ZFHX3: variants seen among roughly 807,000 people sequenced by gnomAD.
ZFHX3 encodes zinc finger homeobox protein 3.
Under a neutral mutation model 279.1 loss-of-function variants are expected in ZFHX3, and 42 were observed. The ratio of observed to expected loss-of-function variants is 0.15; its 90% CI spans 0.12 to 0.19. ZFHX3 has a LOEUF of 0.19. Among genes scored for constraint, ZFHX3 ranks in the 10% least tolerant of loss-of-function variants. The pLI, the probability that ZFHX3 is intolerant of heterozygous loss-of-function variation, is 1.00. For synonymous variants in ZFHX3, 2,293 were observed against 1,957.8 expected, an observed-to-expected ratio of 1.17 and a Z score of -4.52; for missense variants, 4,981 against 4,754.0, an observed-to-expected ratio of 1.05 and a Z score of -1.40.
At chr16:73,626,408 T>A (rs1004016284) in intron 2 of ZFHX3, among the ~76,000 whole-genome samples, 3 of 152,150 alleles carry the variant, frequency 2.0e-5, no homozygotes, top group Non-Finnish European at 4.4e-5. Flanking sequence ...AATGCAAATT[T>A]TCATAGGAAA....
At chr16:72,934,698 GCT>G (rs1480783044) in intron 3 of ZFHX3, among the ~76,000 whole-genome samples, 1 of 151,918 alleles carries the variant, frequency 6.6e-6, no homozygotes, top group African/African-American at 2.4e-5. Flanking sequence ...GCATTTGACG[GCT>G]CTTACTGAAT....
At chr16:73,742,791 G>A (rs907515919) in intron 1 of ZFHX3, among the ~76,000 whole-genome samples, 1 of 152,214 alleles carries the variant, frequency 6.6e-6, no homozygotes, top group African/African-American at 2.4e-5. Context: ...TCATCACCCA[G>A]TGTGAGACTG....
At chr16:73,555,210 A>T (rs2020258721) in intron 2 of ZFHX3, among the ~76,000 whole-genome samples, 1 of 152,074 alleles carries the variant, frequency 6.6e-6, no homozygotes, top group South Asian at 2.1e-4. Flanking sequence ...GCTGCAGTGC[A>T]GTGGCGCGAT....
chr16:73,401,243 A>G (rs1272987241), intron 3 of ZFHX3: 1 of 152,054 alleles, frequency 6.6e-6, no homozygotes, highest in East Asian at 1.9e-4. Context: ...CCTTCCTCAG[A>G]TGGCCCTCAC....
At chr16:73,284,874 T>G (rs1187713560) in intron 4 of ZFHX3, among the ~76,000 whole-genome samples, 1 of 152,178 alleles carries the variant, frequency 6.6e-6, no homozygotes, top group Non-Finnish European at 1.5e-5. Context: ...ACACGGTCTC[T>G]CCCTGTTGCT....
intron 3 of ZFHX3, among the ~76,000 whole-genome samples, chr16:73,386,171 T>C (rs1193009065): frequency 6.6e-6 from 1 of 151,172 alleles, no homozygotes; most frequent in Non-Finnish European, 1.5e-5. Flanking sequence ...TCGCTCTCTT[T>C]CTCTCTCTGT....
chr16:73,195,549 G>C (rs906500255), intron 5 of ZFHX3, among the ~76,000 whole-genome samples: 13 of 151,772 alleles, frequency 8.6e-5, no homozygotes, highest in African/African-American at 3.1e-4. Flanking sequence ...CTCCCGAGCA[G>C]CTGGGACTAC....
At chr16:73,738,963 G>A (rs2053631056) in intron 1 of ZFHX3, among the ~76,000 whole-genome samples, 1 of 151,594 alleles carries the variant, frequency 6.6e-6, no homozygotes, top group Non-Finnish European at 1.5e-5. Context: ...TCCTCTGTGA[G>A]TCCAACTCCC....
chr16:73,757,474 C>T (rs2053821986), intron 1 of ZFHX3, among the ~76,000 whole-genome samples: 1 of 152,190 alleles, frequency 6.6e-6, no homozygotes. Flanking sequence ...CTATGAAAAT[C>T]AGAAAAGTAT....
Position 72,793,767 on chromosome 16 carries a change from G to C in ZFHX3, c.8915C>G (p.Thr2972Ser). The part of the protein sequence containing the change: ...KSCFNDYRTP[T>S]MLECEVLGND... ...GCCCAGGACCTCACATTCTAGCATA[G>C]TGGGTGTCCTGTAGTCATTAAAGCA... is the stretch of plus-strand genomic sequence containing the variant. Residue 2972 changes from threonine to serine, a missense_variant, in exon 9 of 10, where the codon ACT becomes AGT. By Grantham distance (58) the Thr-to-Ser change is moderately conservative. Transcript: ENST00000268489. The surrounding 1 kb of genome is among the most constrained non-coding windows in gnomAD (Gnocchi z 4.3). 1 of 1,614,178 alleles carries C rather than the reference G, an allele frequency of 6.2e-7. No homozygotes were observed. Among genetic ancestry groups the C allele is most frequent in the South Asian group, 1.1e-5 (1 of 91,076 alleles).
chr16:73,167,795 G>C (rs1189560949), intron 5 of ZFHX3, among the ~76,000 whole-genome samples: 1 of 152,020 alleles, frequency 6.6e-6, no homozygotes, highest in Non-Finnish European at 1.5e-5. Context: ...CCCCACCAGG[G>C]GCAACAATTT....
At chr16:73,417,033 T>C (rs1178132423) in intron 3 of ZFHX3, among the ~76,000 whole-genome samples, 1 of 152,000 alleles carries the variant, frequency 6.6e-6, no homozygotes, top group Admixed American at 6.6e-5. Flanking sequence ...CTATCAGTTA[T>C]AAGCCAAACT....
At chr16:73,779,065 C>T (rs996693008) in intron 1 of ZFHX3, among the ~76,000 whole-genome samples, 2 of 152,150 alleles carry the variant, frequency 1.3e-5, no homozygotes, top group African/African-American at 4.8e-5. Context: ...GTGGGTGGTC[C>T]AGATGGAAGC....
chr16:73,425,031 CTCT>C (rs1410332241), intron 3 of ZFHX3, among the ~76,000 whole-genome samples: 1 of 152,178 alleles, frequency 6.6e-6, no homozygotes, highest in Non-Finnish European at 1.5e-5. Flanking sequence ...TCCCCACCCT[CTCT>C]TCTTCTGTGT....
At chr16:72,890,039 T>C (rs1022126597) in intron 3 of ZFHX3, 77 bp from the exon 4 acceptor site, 3 of 1,336,360 alleles carry the variant, frequency 2.2e-6, no homozygotes, top group Non-Finnish European at 3.1e-6. Context: ...CACACCATCC[T>C]GGTCACAGCC....
intron 2 of ZFHX3, chr16:73,609,006 G>C (rs555400239): frequency 6.6e-6 from 1 of 152,240 alleles, no homozygotes; most frequent in Admixed American, 6.5e-5. Context: ...TGCAGCAGTA[G>C]TGACTGACTT....
chr16:73,084,525 T>C (rs1245916302), intron 8 of ZFHX3, among the ~76,000 whole-genome samples: 1 of 145,000 alleles, frequency 6.9e-6, no homozygotes, highest in African/African-American at 2.6e-5. Flanking sequence ...TTTTTTTTTT[T>C]TTTTTTTTTT....
intron 1 of ZFHX3, among the ~76,000 whole-genome samples, chr16:72,999,545 A>G (rs2144591611): frequency 6.6e-6 from 1 of 152,306 alleles, no homozygotes; most frequent in Non-Finnish European, 1.5e-5. Context: ...TCCACAGGGC[A>G]TAAACTTTGG....
chr16:73,362,149 C>T (rs1300140277), intron 3 of ZFHX3, among the ~76,000 whole-genome samples: 13 of 152,166 alleles, frequency 8.5e-5, no homozygotes, highest in Admixed American at 7.9e-4. Flanking sequence ...TGCCAACCCC[C>T]ACCCAGTACC....
Sources: allele counts gnomAD v4.1 joint callset (sites outside exome capture counted in the v4.1 genomes callset), GRCh38; gene constraint gnomAD v4.1.1; non-coding constraint Gnocchi (gnomAD v3.1); transcripts MANE v1.5; gene names NCBI Gene and HGNC (gene_info 2026-07-23, HGNC 2026-07-21).